Variants in MYO15A observed in about 807,000 individuals in gnomAD.
The protein encoded by MYO15A is myosin XVA, also known as unconventional myosin-XV.
Under a neutral mutation model 394.6 loss-of-function variants are expected in MYO15A, and 308 were observed. The ratio of observed to expected loss-of-function variants is 0.78; its 90% CI spans 0.71 to 0.86. The LOEUF (loss-of-function observed/expected upper bound fraction) is 0.86. MYO15A is among the 40% of genes least tolerant of loss of function. The probability of loss-of-function intolerance (pLI) is 0.00; values close to 1 mark genes in which losing one functional copy is unlikely to be tolerated. For missense variants in MYO15A, 4,606 were observed against 4,799.1 expected, an observed-to-expected ratio of 0.96 and a Z score of 1.19; for synonymous variants, 1,957 against 2,003.8, an observed-to-expected ratio of 0.98 and a Z score of 0.62.
rs536053218 is a variant in MYO15A, at chr17:18,121,209, G to C, written c.2409G>C (p.Thr803=). ...CGTCGCCTCAGCTGTCCTTGCGCACGGGCCCCTTCCAGCCGCCCTTCCTGC... is the reference window on the plus strand; with the variant it reads ...CGTCGCCTCAGCTGTCCTTGCGCACCGGCCCCTTCCAGCCGCCCTTCCTGC... ...APPSPQLSLR[T]GPFQPPFLPP... The change falls in exon 2 of 66, where the codon ACG becomes ACC. Residue 803 remains threonine, a synonymous_variant. Coordinates refer to ENST00000647165, the MANE Select transcript of MYO15A (RefSeq NM_016239.4). The surrounding 1 kb of genome is among the most constrained non-coding windows in gnomAD (Gnocchi z 5.3). The C allele has an allele frequency of 3.3e-5, 50 of 1,500,266 alleles. No homozygotes were observed. Among genetic ancestry groups the C allele is most frequent in the African/African-American group, 1.5e-4 (10 of 68,800 alleles). 92.9% of individuals were successfully genotyped at this position (1,500,266 alleles called of 1,614,324 possible).
intron 1 of MYO15A, among the ~76,000 whole-genome samples, chr17:18,115,985 A>G (rs986066254): frequency 6.6e-6 from 1 of 152,090 alleles, no homozygotes; most frequent in Non-Finnish European, 1.5e-5. Context: ...CTCCACCCAC[A>G]TATGGTAACT....
chr17:18,144,347 C>G, intron 28 of MYO15A, 150 bp from the exon 29 acceptor site: 1 of 644,136 alleles, frequency 1.6e-6, no homozygotes, highest in Non-Finnish European at 2.5e-6. Context: ...ACTGTGGTGG[C>G]CCCTCACCAG....
In MYO15A at chr17:18,166,265, G is replaced by A. The variant is rs1249289352; in HGVS notation, c.9788-96G>A. 2.0e-6 allele frequency: 3 copies of A among 1,527,630 alleles called. No homozygotes were observed. The African/African-American group carries it at 4.1e-5, about 21-fold the overall frequency. 94.6% of individuals were successfully genotyped at this position (1,527,630 alleles called of 1,614,324 possible). A position where few individuals can be genotyped will look rare whatever the true frequency, so the allele number is the denominator to read the frequency against. ...CTTGTCCGAGGTGATACCTCACCTG[G>A]GTAGCAGATTGGGGTCTGCACACAT... On this transcript the variant is annotated intron_variant, in intron 60 of 65. Transcript: ENST00000647165.
At chr17:18,163,628 T>TC in intron 59 of MYO15A, 114 bp from the exon 60 acceptor site, 1 of 979,006 alleles carries the variant, frequency 1.0e-6, no homozygotes. Flanking sequence ...ATTGTGCGCC[T>TC]TTGTGAAGAG....
intron 23 of MYO15A, 115 bp downstream of exon 23, chr17:18,141,885 C>G (rs2046389110): frequency 4.0e-6 from 5 of 1,263,256 alleles, no homozygotes; most frequent in Admixed American, 3.4e-5. Flanking sequence ...CCCAGATGAG[C>G]TTGGGATATG....
intron 64 of MYO15A, chr17:18,173,517 C>G (rs1597826376): frequency 2.0e-6 from 1 of 507,810 alleles, no homozygotes; most frequent in Non-Finnish European, 3.6e-6. Flanking sequence ...CTATCCCAAG[C>G]ACTTAGAGCA....
At chr17:18,152,045 G>A in intron 41 of MYO15A, 67 bp from the exon 42 acceptor site, 1 of 1,543,398 alleles carries the variant, frequency 6.5e-7, no homozygotes. Flanking sequence ...ATAAGCTGTG[G>A]CCCTGCCACT....
Position 18,125,222 on chromosome 17 carries a change from C to G in MYO15A, c.3747C>G (p.Asn1249Lys). The change falls in exon 4 of 66, where the codon AAC becomes AAG. Residue 1249 changes from asparagine to lysine, a missense_variant. Around this residue, in one of 2 missense-constraint regions of MYO15A, gnomAD observed 2,776 missense variants for 3,109.3 expected, o/e 0.89. Coordinates refer to ENST00000647165, the MANE Select transcript of MYO15A (RefSeq NM_016239.4). ...LSNLKIRFER[N>K]LIYTYIGSIL... The stretch of plus-strand genomic sequence containing the variant: ...ACCTCAAGATTAGATTTGAACGGAA[C>G]CTCATCTACGTAAGGCCTGGGGCTG... The G allele has an allele frequency of 6.2e-7, 1 of 1,614,120 alleles. No homozygotes were observed.
chr17:18,151,823 C>T (rs2046588063), intron 40 of MYO15A, 23 bp from the exon 41 acceptor site: 3 of 1,560,150 alleles, frequency 1.9e-6, no homozygotes, highest in East Asian at 4.7e-5. Flanking sequence ...TGTCAACCCA[C>T]CACAGTACTC....
At chr17:18,115,619 A>G (rs2045774347) in intron 1 of MYO15A, among the ~76,000 whole-genome samples, 1 of 151,164 alleles carries the variant, frequency 6.6e-6, no homozygotes, top group Non-Finnish European at 1.5e-5. Flanking sequence ...CTCTGTCTCA[A>G]AAAAAAAAGA....
rs764263371 is a variant in MYO15A, at chr17:18,135,748, G to A, written c.4520G>A (p.Arg1507Gln). 1.4e-5 allele frequency: 22 copies of A among 1,614,032 alleles called. No individual in the cohort carries two copies. In the East Asian group the frequency reaches 2.0e-4, roughly 15 times the overall value. Residue 1507 changes from arginine to glutamine, a missense_variant, in exon 13 of 66, where the codon CGA becomes CAA. Around this residue, in one of 2 missense-constraint regions of MYO15A, gnomAD observed 2,776 missense variants for 3,109.3 expected, o/e 0.89. Transcript: ENST00000647165. ...AQEVASVVSA[R>Q]EIQAVAELLQ... ...GAGGTGGCCTCAGTGGTGAGTGCCC[G>A]AGAGATCCAGGCCGTGGCAGAGCTG...
At position 18,145,897 on chromosome 17, in the gene MYO15A, A is replaced by C. The variant is rs775143291; in HGVS notation, c.6299A>C (p.His2100Pro). Residue 2100 changes from histidine (H) to proline (P), a missense_variant, in exon 30 of 66, where the codon CAC (histidine) becomes CCC (proline). Around this residue, in one of 2 missense-constraint regions of MYO15A, gnomAD observed 2,776 missense variants for 3,109.3 expected, o/e 0.89. Coordinates refer to ENST00000647165, the MANE Select transcript of MYO15A (RefSeq NM_016239.4). ...KLILRFMGDP[H>P]LHGARENIFG... is the part of the protein sequence containing the mutation. ...ATCCTGCGCTTCATGGGCGACCCCC[A>C]CCTGCATGGTGCCCGGGAGAACATC... The C allele has an allele frequency of 6.2e-7, 1 of 1,613,366 alleles. No individual in the cohort carries two copies. Among genetic ancestry groups the C allele is most frequent in the Non-Finnish European group, 8.5e-7 (1 of 1,180,016 alleles).
intron 6 of MYO15A, 72 bp from the exon 7 acceptor site, chr17:18,127,003 A>G: frequency 2.5e-6 from 4 of 1,603,352 alleles, no homozygotes; most frequent in Non-Finnish European, 3.4e-6. Context: ...CTCTTGCTTC[A>G]TGATGGGAGT....
chr17:18,120,680 T>C lies in MYO15A; in HGVS notation c.1880T>C (p.Val627Ala). ...CCCGAGAAGCCCGGCACGCCCATCG[T>C]GCTGAGGAGGGCCCAGCCACGCGCT... ...MDPEKPGTPI[V>A]LRRAQPRARS... is the part of the protein sequence containing the mutation. Residue 627 changes from valine (V) to alanine (A), a missense_variant, in exon 2 of 66, where the codon GTG (valine) becomes GCG (alanine). Around this residue, in one of 2 missense-constraint regions of MYO15A, gnomAD observed 1,830 missense variants for 1,689.7 expected, o/e 1.08. Coordinates refer to ENST00000647165, the MANE Select transcript of MYO15A (RefSeq NM_016239.4). 6.3e-7 allele frequency: 1 copy of C among 1,577,148 alleles called. No individual in the cohort carries two copies. The highest frequency in any genetic ancestry group is 8.6e-7 in the Non-Finnish European group (1 of 1,167,404).
chr17:18,131,423 A>G (rs2142300195), intron 9 of MYO15A, 45 bp from the exon 10 acceptor site: 2 of 1,613,396 alleles, frequency 1.2e-6, no homozygotes, highest in East Asian at 2.2e-5. Context: ...AGCCAACACC[A>G]GCCCTCCTAC....
In MYO15A at chr17:18,119,632, T is replaced by C. The variant is rs1356534903; in HGVS notation, c.832T>C (p.Tyr278His). The C allele has an allele frequency of 1.9e-6, 3 of 1,603,250 alleles. No individual in the cohort carries two copies. Among genetic ancestry groups the C allele is most frequent in the East Asian group, 4.5e-5 (2 of 44,854 alleles). The stretch of plus-strand genomic sequence containing the variant: ...GGCCTGGCCACCCTACGGCGACCAC[T>C]ACTACGGGTACCCGCCCGAGGATCC... ...SPAWPPYGDHYYGYPPEDPYD... is the reference protein window; with the variant it reads ...SPAWPPYGDHHYGYPPEDPYD... Residue 278 changes from tyrosine (Y) to histidine (H), a missense_variant, in exon 2 of 66, where the codon TAC (tyrosine) becomes CAC (histidine). This residue lies in a region of MYO15A where 1,830 missense variants were observed against 1,689.7 expected (regional missense o/e 1.08). Transcript: ENST00000647165.
chr17:18,176,541 C>CTTTTTTTTTTTTT (rs35105114), intron 65 of MYO15A: 1 of 93,448 alleles, frequency 1.1e-5, no homozygotes, highest in Non-Finnish European at 2.1e-5. Flanking sequence ...TTTTACTTTT[C>CTTTTTTTTTTTTT]TTTTTTTTTT....
chr17:18,162,819 G>A, intron 58 of MYO15A, 140 bp downstream of exon 58: 1 of 834,100 alleles, frequency 1.2e-6, no homozygotes, highest in African/African-American at 1.7e-5. Flanking sequence ...GGCCAACATG[G>A]TGAAACCCCG....
intron 7 of MYO15A, among the ~76,000 whole-genome samples, chr17:18,127,814 G>A (rs1239487404): frequency 7.4e-6 from 1 of 135,932 alleles, no homozygotes; most frequent in Non-Finnish European, 1.6e-5. Flanking sequence ...TCTAGTGGTG[G>A]AGGTGGGAAG....
Sources: allele counts gnomAD v4.1 joint callset (sites outside exome capture counted in the v4.1 genomes callset), GRCh38; gene constraint gnomAD v4.1.1; regional missense constraint gnomAD v4.1.1; non-coding constraint Gnocchi (gnomAD v3.1); transcripts MANE v1.5; gene names NCBI Gene and HGNC (gene_info 2026-07-23, HGNC 2026-07-21).